The following DDAH1 variants were observed in gnomAD, a reference collection of about 807,000 sequenced individuals.
The protein encoded by DDAH1 is dimethylarginine dimethylaminohydrolase 1.
DDAH1 carries 19 observed loss-of-function variants against 28.8 expected under a neutral mutation model. The ratio of observed to expected loss-of-function variants is 0.66; its 90% confidence interval spans 0.46 to 0.97. DDAH1 has a LOEUF of 0.97. DDAH1 is among the 50% of genes least tolerant of loss of function. DDAH1 has a pLI of 0.00. For missense variants in DDAH1, 326 were observed against 375.9 expected (o/e 0.87, Z 1.10); for synonymous variants, 153 against 154.4 (o/e 0.99, Z 0.07).
At chr1:85,334,218 G>C (rs1182345210) in intron 4 of DDAH1, among the ~76,000 whole-genome samples, 3 of 152,144 alleles carry the variant, frequency 2.0e-5, no homozygotes, top group Non-Finnish European at 2.9e-5. Context: ...TTGTGAAGAA[G>C]GTGCTTTGCT....
At chr1:85,345,064 T>C (rs1260843418) in intron 4 of DDAH1, among the ~76,000 whole-genome samples, 2 of 152,188 alleles carry the variant, frequency 1.3e-5, no homozygotes, top group African/African-American at 4.8e-5. Flanking sequence ...ATATATAAAG[T>C]ATAACACACA....
chr1:85,516,631 T>C (rs1474399089), intron 1 of DDAH1, among the ~76,000 whole-genome samples: 2 of 149,132 alleles, frequency 1.3e-5, no homozygotes, highest in African/African-American at 5.0e-5. Context: ...GATATGGGAA[T>C]GGTGGGTTTC....
chr1:85,548,940 C>G (rs1288223002), intron 1 of DDAH1, among the ~76,000 whole-genome samples: 1 of 152,088 alleles, frequency 6.6e-6, no homozygotes, highest in Admixed American at 6.6e-5. Context: ...TTTTGCAGAG[C>G]CTGGGGTACC....
intron 1 of DDAH1, among the ~76,000 whole-genome samples, chr1:85,546,841 G>C (rs892054032): frequency 2.6e-5 from 4 of 152,066 alleles, no homozygotes; most frequent in Admixed American, 2.6e-4. Context: ...AATAAACAAA[G>C]AAGAAAATGT....
chr1:85,501,874 A>G (rs1426911581), intron 1 of DDAH1, among the ~76,000 whole-genome samples: 1 of 152,202 alleles, frequency 6.6e-6, no homozygotes. Context: ...ACTTTTGCTC[A>G]TCATCTCCTG....
chr1:85,447,407 C>T (rs937434942), intron 1 of DDAH1, among the ~76,000 whole-genome samples: 37 of 152,064 alleles, frequency 2.4e-4, no homozygotes, highest in Admixed American at 2.4e-3. Flanking sequence ...GAAGTAAACT[C>T]GAGTGGGCCA....
At chr1:85,536,489 G>C (rs1395630761) in intron 1 of DDAH1, among the ~76,000 whole-genome samples, 1 of 152,132 alleles carries the variant, frequency 6.6e-6, no homozygotes, top group East Asian at 1.9e-4. Context: ...GGAGGCGAAG[G>C]TTGCAGTGAG....
intron 1 of DDAH1, among the ~76,000 whole-genome samples, chr1:85,447,562 T>C (rs1654491518): frequency 1.3e-5 from 2 of 152,170 alleles, no homozygotes; most frequent in South Asian, 2.1e-4. Flanking sequence ...CTCCTCCTTC[T>C]TGCAGGAATA....
chr1:85,479,170 T>C (rs1018320988), intron 2 of DDAH1, among the ~76,000 whole-genome samples: 2,981 of 130,132 alleles, frequency 0.023, 54 homozygotes, highest in Middle Eastern at 0.066. Context: ...TTTTTTTTTT[T>C]TTTTTTTTTT....
rs532732486 is a variant in DDAH1, at chr1:85,563,116, C to T, written c.-123+14868G>A. Among the ~76,000 whole-genome samples the T allele has an allele frequency of 2.0e-5, 3 of 152,228 alleles. No homozygotes were observed. The South Asian group carries it at 6.2e-4, about 32-fold the overall frequency. ...AAGCTGTAGCACAGGCAGGGGGAAC[C>T]CAGGCAGTCTAGCAGTCTCCCTGGG... On this transcript the variant is annotated intron_variant, in intron 1 of 6. Transcript: ENST00000426972.
chr1:85,371,931 A>G (rs959989981), intron 1 of DDAH1, among the ~76,000 whole-genome samples: 8 of 152,174 alleles, frequency 5.3e-5, no homozygotes, highest in African/African-American at 1.9e-4. Flanking sequence ...TGACTGTTCT[A>G]CATTGCCCTG....
Position 85,464,565 on chromosome 1 carries a change from C to A in DDAH1, c.303+178G>T. The A allele has an allele frequency of 6.5e-7, 1 of 1,528,266 alleles. No individual in the cohort carries two copies. The highest frequency in any genetic ancestry group is 8.7e-7 in the Non-Finnish European group (1 of 1,143,382). 94.7% of individuals were successfully genotyped at this position (1,528,266 alleles called of 1,614,324 possible). ...GCTGCCGGCAGCCGGGAGGTGTGAA[C>A]AATGAACTTCTCTCTGACTCTCTGA... is the stretch of plus-strand genomic sequence containing the variant. On this transcript the variant is annotated intron_variant, in intron 1 of 5. Coordinates refer to ENST00000284031, the MANE Select transcript of DDAH1 (RefSeq NM_012137.4). The surrounding 1 kb of genome is among the most constrained non-coding windows in gnomAD (Gnocchi z 4.4).
chr1:85,469,266 G>A (rs959707875), upstream of DDAH1, among the ~76,000 whole-genome samples: 1 of 152,214 alleles, frequency 6.6e-6, no homozygotes, highest in Non-Finnish European at 1.5e-5. Context: ...GAAAACAAAG[G>A]TGGAAAAGTG....
At chr1:85,505,292 T>G (rs12742253) in intron 1 of DDAH1, among the ~76,000 whole-genome samples, 87,312 of 151,896 alleles carry the variant, frequency 0.57, 28,188 homozygotes, top group Middle Eastern at 0.79. Context: ...ATCATAATTA[T>G]TCTTATTATA....
chr1:85,531,692 A>T (rs571642410), intron 1 of DDAH1, among the ~76,000 whole-genome samples: 19 of 147,682 alleles, frequency 1.3e-4, no homozygotes, highest in Non-Finnish European at 2.2e-4. Flanking sequence ...ATTAAATGAT[A>T]CCAGTTCCTA....
chr1:85,395,833 TA>T (rs1362686907), intron 1 of DDAH1, among the ~76,000 whole-genome samples: 1 of 152,174 alleles, frequency 6.6e-6, no homozygotes, highest in Non-Finnish European at 1.5e-5. Context: ...TAGGTTTTTC[TA>T]AAAATTAAGC....
In DDAH1 at chr1:85,353,938, A is replaced by G. The variant is rs547528084; in HGVS notation, c.404-2359T>C. On this transcript the variant is annotated intron_variant, in intron 2 of 5. Coordinates refer to ENST00000284031, the MANE Select transcript of DDAH1 (RefSeq NM_012137.4). ...GGTGTTCGGAGCGTGATGTGGGCTG[A>G]TTGAAAAAAAGTAAAAAAAGGCTAA... Among the ~76,000 whole-genome samples the G allele has an allele frequency of 2.6e-5, 4 of 152,202 alleles. No homozygotes were observed. The South Asian group carries it at 8.3e-4, about 32-fold the overall frequency.
intron 1 of DDAH1, among the ~76,000 whole-genome samples, chr1:85,545,404 G>A (rs1394814383): frequency 2.6e-5 from 4 of 152,154 alleles, no homozygotes; most frequent in African/African-American, 7.2e-5. Context: ...AGCCCTTCTC[G>A]CTTTTTTAAA....
intron 1 of DDAH1, among the ~76,000 whole-genome samples, chr1:85,360,270 A>G (rs1649717420): frequency 1.3e-5 from 2 of 152,366 alleles, no homozygotes; most frequent in South Asian, 4.1e-4. Flanking sequence ...GAACTCATGT[A>G]AAAATTCCAC....
Sources: gnomAD v4.1 joint callset for allele counts (sites outside exome capture counted in the v4.1 genomes callset) on GRCh38, gnomAD v4.1.1 for gene constraint, Gnocchi (gnomAD v3.1) non-coding constraint, MANE v1.5 for transcripts, NCBI Gene and HGNC (gene_info 2026-07-23, HGNC 2026-07-21) for gene names.